UHRF2: variants seen among roughly 807,000 people sequenced by gnomAD.
UHRF2 encodes ubiquitin like with PHD and ring finger domains 2, also known as E3 ubiquitin-protein ligase UHRF2.
A neutral mutation model predicts 96.8 loss-of-function variants in UHRF2; 23 were observed. That is an observed-to-expected ratio of 0.24 (90% CI 0.17 to 0.34). The LOEUF is 0.34. Ranked by LOEUF, UHRF2 falls within the 10% of genes least tolerant of loss-of-function variation. The pLI is 1.00. For missense variants in UHRF2, 685 were observed against 981.5 expected, an observed-to-expected ratio of 0.70 and a Z score of 4.04; for synonymous variants, 385 against 332.6, an observed-to-expected ratio of 1.16 and a Z score of -1.72.
At position 6,434,090 on chromosome 9, in the gene UHRF2, T is replaced by C; in HGVS notation, c.561T>C (p.Asn187=). The change falls in exon 3 of 16, where the codon AAT becomes AAC. Residue 187 remains asparagine, a synonymous_variant. Transcript: ENST00000276893. ...AGCATAAATCCAAAGAGAACACAAATAAATTGGACAGTGTACCCTCTACGT... is the reference window on the plus strand; with the variant it reads ...AGCATAAATCCAAAGAGAACACAAACAAATTGGACAGTGTACCCTCTACGT... ...NIKHKSKENT[N]KLDSVPSTSN... The C allele has an allele frequency of 6.2e-7, 1 of 1,614,130 alleles. No homozygotes were observed. Among genetic ancestry groups the C allele is most frequent in the Non-Finnish European group, 8.5e-7 (1 of 1,180,004 alleles).
At chr9:6,483,451 C>G (rs1211099293) in intron 8 of UHRF2, among the ~76,000 whole-genome samples, 1 of 151,474 alleles carries the variant, frequency 6.6e-6, no homozygotes, top group African/African-American at 2.4e-5. Context: ...AGTGTAAATG[C>G]TATGTAAATA....
intron 1 of UHRF2, chr9:6,415,584 A>G (rs1401967729): frequency 6.6e-6 from 1 of 152,230 alleles, no homozygotes; most frequent in Non-Finnish European, 1.5e-5. Flanking sequence ...CCATGTCCTC[A>G]TTGGAAAAAG....
chr9:6,492,326 A>G, intron 9 of UHRF2: 2 of 1,250,362 alleles, frequency 1.6e-6, no homozygotes, highest in African/African-American at 1.5e-5. Context: ...GAATATGAAT[A>G]TTGTGGAGTC....
chr9:6,468,748 G>C (rs1006373253), intron 4 of UHRF2: 1 of 451,814 alleles, frequency 2.2e-6, no homozygotes, highest in Non-Finnish European at 4.5e-6. Context: ...GCATACACTG[G>C]ATTTTAGGGT....
intron 6 of UHRF2, 84 bp downstream of exon 6, chr9:6,477,892 A>C: frequency 8.0e-7 from 1 of 1,246,692 alleles, no homozygotes; most frequent in Non-Finnish European, 1.1e-6. Context: ...TAGATTTCTA[A>C]AGATACATAA....
At chr9:6,478,181 T>G (rs1041482179) in intron 6 of UHRF2, among the ~76,000 whole-genome samples, 1 of 152,242 alleles carries the variant, frequency 6.6e-6, no homozygotes, top group South Asian at 2.1e-4. Flanking sequence ...CCCCAAATAC[T>G]CTACACTGTA....
At chr9:6,440,479 A>G (rs1008463010) in intron 3 of UHRF2, among the ~76,000 whole-genome samples, 3 of 152,232 alleles carry the variant, frequency 2.0e-5, no homozygotes, top group African/African-American at 7.2e-5. Flanking sequence ...GACATGGTAC[A>G]TATAATTGAT....
At chr9:6,419,424 G>A (rs1455323182) in intron 1 of UHRF2, among the ~76,000 whole-genome samples, 1 of 151,918 alleles carries the variant, frequency 6.6e-6, no homozygotes. Flanking sequence ...TCAGGCAAGT[G>A]GAGTAACATG....
intron 3 of UHRF2, among the ~76,000 whole-genome samples, chr9:6,435,669 C>T (rs938435901): frequency 1.1e-4 from 17 of 152,028 alleles, no homozygotes; most frequent in African/African-American, 2.9e-4. Context: ...TTCAGTGGTG[C>T]GATCTTGGCT....
chr9:6,425,717 C>T (rs984468354), intron 2 of UHRF2, among the ~76,000 whole-genome samples: 1 of 151,922 alleles, frequency 6.6e-6, no homozygotes, highest in Non-Finnish European at 1.5e-5. Context: ...GAGCCGAGAT[C>T]GCGCCACTGC....
chr9:6,422,465 A>G (rs1385205679), intron 2 of UHRF2, among the ~76,000 whole-genome samples: 1 of 152,190 alleles, frequency 6.6e-6, no homozygotes, highest in Non-Finnish European at 1.5e-5. Flanking sequence ...CATACAAAAA[A>G]CTGTAGAAAT....
chr9:6,416,155 C>A (rs767245708), intron 1 of UHRF2, among the ~76,000 whole-genome samples: 3 of 152,106 alleles, frequency 2.0e-5, no homozygotes, highest in Non-Finnish European at 1.5e-5. Context: ...CCTCTGCCTC[C>A]CGGGTTCAAG....
At chr9:6,468,363 A>T (rs1258171264) in intron 4 of UHRF2, 3 of 444,130 alleles carry the variant, frequency 6.8e-6, no homozygotes, top group African/African-American at 2.0e-5. Context: ...AGGGTGGGAC[A>T]GCTGGCAGTA....
At chr9:6,452,346 T>C (rs1345234139) in intron 3 of UHRF2, among the ~76,000 whole-genome samples, 1 of 152,210 alleles carries the variant, frequency 6.6e-6, no homozygotes, top group Admixed American at 6.5e-5. Flanking sequence ...GTATAGACAG[T>C]GTTTCTGGTA....
At chr9:6,487,177 T>TATTTTTTATTTTTTA (rs371548870) in intron 9 of UHRF2, among the ~76,000 whole-genome samples, 138 of 144,466 alleles carry the variant, frequency 9.6e-4, no homozygotes, top group African/African-American at 3.3e-3. Context: ...TTTTATTTTT[T>TATTTTTTATTTTTTA]TTTCCTTTTT....
At chr9:6,488,487 C>A (rs531866854) in intron 9 of UHRF2, among the ~76,000 whole-genome samples, 76 of 150,494 alleles carry the variant, frequency 5.1e-4, no homozygotes, top group African/African-American at 1.7e-3. Context: ...AGACGTAGCC[C>A]CCCCACTGCT....
At chr9:6,413,951 C>G (rs558808080) in intron 1 of UHRF2, 1 of 228,008 alleles carries the variant, frequency 4.4e-6, no homozygotes, top group Non-Finnish European at 8.5e-6. Context: ...CCAGGTCCCT[C>G]GCTTCCCGCG....
intron 2 of UHRF2, among the ~76,000 whole-genome samples, chr9:6,428,199 C>T (rs1820365327): frequency 6.6e-6 from 1 of 152,160 alleles, no homozygotes; most frequent in Non-Finnish European, 1.5e-5. Flanking sequence ...CTTTTGTCCA[C>T]AGTACAGTTC....
chr9:6,442,453 TTTTGTTTTGTTTTGTTTTGTTTTG>T (rs1022447598), intron 3 of UHRF2, among the ~76,000 whole-genome samples: 3 of 12,578 alleles, frequency 2.4e-4, no homozygotes, highest in African/African-American at 3.3e-4. Flanking sequence ...TGGCATAAGG[TTTTGTTTTGTTTTGTTTTGTTTTG>T]TTTGTTTTGT....
Sources: allele counts gnomAD v4.1 joint callset (sites outside exome capture counted in the v4.1 genomes callset), GRCh38; gene constraint gnomAD v4.1.1; transcripts MANE v1.5; gene names NCBI Gene and HGNC (gene_info 2026-07-23, HGNC 2026-07-21).